ANKIB1: variants seen among roughly 807,000 people sequenced by gnomAD.
The protein encoded by ANKIB1 is ankyrin repeat and IBR domain-containing protein 1.
Under a neutral mutation model 122.1 loss-of-function variants are expected in ANKIB1, and 43 were observed. That is an observed-to-expected ratio of 0.35 (90% CI 0.28 to 0.45). The LOEUF is 0.45. ANKIB1 is among the 20% of genes least tolerant of loss of function. The pLI, the probability that ANKIB1 is intolerant of heterozygous loss-of-function variation, is 1.00. For missense variants in ANKIB1, 992 were observed against 1,329.5 expected, an observed-to-expected ratio of 0.75 and a Z score of 3.95; for synonymous variants, 390 against 442.0, an observed-to-expected ratio of 0.88 and a Z score of 1.48.
At chr7:92,267,582 C>A (rs1428297485) in intron 1 of ANKIB1, among the ~76,000 whole-genome samples, 2 of 152,138 alleles carry the variant, frequency 1.3e-5, no homozygotes, top group Non-Finnish European at 2.9e-5. Context: ...TTTGTTTACA[C>A]TGTGATCATG....
chr7:92,290,368 A>G (rs1802220082), intron 1 of ANKIB1, among the ~76,000 whole-genome samples: 1 of 136,940 alleles, frequency 7.3e-6, no homozygotes, highest in Admixed American at 7.2e-5. Context: ...TATATGTATG[A>G]AAGTGTGTGT....
intron 4 of ANKIB1, among the ~76,000 whole-genome samples, chr7:92,321,638 A>G (rs1448705677): frequency 6.6e-6 from 1 of 152,180 alleles, no homozygotes; most frequent in Non-Finnish European, 1.5e-5. Flanking sequence ...GTTTAGTGCT[A>G]ACTTGATTCT....
At chr7:92,252,855 C>T (rs1801357513) in intron 1 of ANKIB1, among the ~76,000 whole-genome samples, 1 of 151,358 alleles carries the variant, frequency 6.6e-6, no homozygotes, top group South Asian at 2.1e-4. Flanking sequence ...AAGTAGATTC[C>T]AGGGCTAGAG....
In ANKIB1 at chr7:92,396,403, A is replaced by C; in HGVS notation, c.2322A>C (p.Gln774His). 1.3e-6 allele frequency: 2 copies of C among 1,597,820 alleles called. No individual in the cohort carries two copies. The highest frequency in any genetic ancestry group is 2.3e-5 in the East Asian group (1 of 44,382). ...TTCAGTATCGGAGGAGGCACAGACAACGTCGTCGAGGAGATGTTCACAGTC... is the reference window on the plus strand; with the variant it reads ...TTCAGTATCGGAGGAGGCACAGACACCGTCGTCGAGGAGATGTTCACAGTC... The part of the protein sequence containing the change: ...AEFQYRRRHR[Q>H]RRRGDVHSLL... The change falls in exon 18 of 20, where the codon CAA becomes CAC. Residue 774 changes from glutamine (Q) to histidine (H), a missense_variant. By Grantham distance (24) the Gln-to-His change is conservative (BLOSUM62 0). Around this residue, in one of 4 missense-constraint regions of ANKIB1, gnomAD observed 384 missense variants for 412.0 expected, o/e 0.93. Coordinates refer to ENST00000265742, the MANE Select transcript of ANKIB1 (RefSeq NM_019004.2).
chr7:92,284,645 TC>T (rs1802079333), intron 1 of ANKIB1, among the ~76,000 whole-genome samples: 1 of 152,208 alleles, frequency 6.6e-6, no homozygotes, highest in Non-Finnish European at 1.5e-5. Flanking sequence ...ATTTGTTCCT[TC>T]TTTTACCTTT....
intron 7 of ANKIB1, among the ~76,000 whole-genome samples, chr7:92,348,598 C>G (rs1283576610): frequency 6.6e-6 from 1 of 152,070 alleles, no homozygotes; most frequent in Non-Finnish European, 1.5e-5. Flanking sequence ...GTTGGTCAGG[C>G]TGGTCTTGAA....
rs2131985791 is a variant in ANKIB1 at position 92,352,655 on chromosome 7, C to G, written c.1397+13C>G. The G allele has an allele frequency of 6.3e-7, 1 of 1,592,004 alleles. No individual in the cohort carries two copies. Among genetic ancestry groups the G allele is most frequent in the African/African-American group, 1.4e-5 (1 of 73,674 alleles). On this transcript the variant is annotated intron_variant, in intron 9 of 19. Transcript: ENST00000265742. The stretch of plus-strand genomic sequence containing the variant: ...ACCTCTTCTGCTGGTTAGTATAAGA[C>G]AAGTTGGAATCAGCCTAATCACCTT...
intron 11 of ANKIB1, among the ~76,000 whole-genome samples, chr7:92,373,193 C>T (rs1395177437): frequency 1.3e-5 from 2 of 152,176 alleles, no homozygotes; most frequent in Admixed American, 6.5e-5. Context: ...AGGATCCAGC[C>T]AAAATTATTT....
At position 92,246,172 on chromosome 7, in the gene ANKIB1, G is replaced by A. The variant is rs1469905853; in HGVS notation, c.-438G>A. 5.7e-6 allele frequency: 2 copies of A among 348,426 alleles called. No individual in the cohort carries two copies. The highest frequency in any genetic ancestry group is 5.4e-6 in the Non-Finnish European group (1 of 185,220). 21.6% of individuals were successfully genotyped at this position (348,426 alleles called of 1,614,324 possible). On this transcript the variant is annotated 5_prime_UTR_variant, in exon 1 of 20. Coordinates refer to ENST00000265742, the MANE Select transcript of ANKIB1 (RefSeq NM_019004.2). Reference sequence around the variant, plus strand: ...CGCGCAAGGCTGGAACATGAGCCGGGCTTGACCGCGAGGCGGAGGCAAGAG... The same window carrying A: ...CGCGCAAGGCTGGAACATGAGCCGGACTTGACCGCGAGGCGGAGGCAAGAG...
chr7:92,297,405 G>A (rs547702697), intron 2 of ANKIB1, among the ~76,000 whole-genome samples: 3 of 152,156 alleles, frequency 2.0e-5, no homozygotes, highest in Non-Finnish European at 4.4e-5. Context: ...AGAACTTGTA[G>A]AACAATTAAA....
chr7:92,247,794 T>G (rs1183104791), intron 1 of ANKIB1, among the ~76,000 whole-genome samples: 1 of 152,258 alleles, frequency 6.6e-6, no homozygotes, highest in Admixed American at 6.5e-5. Flanking sequence ...TTCTGCAAAC[T>G]ACTGTGTAGT....
rs201704286 is a variant in ANKIB1, at chr7:92,283,754, A to G, written c.-90-11135A>G. ...TAAATTTAATGTGGCCTAAGTGTAC[A>G]GTGTTTATATTTTATTTTTATTTCA... On this transcript the variant is annotated intron_variant, in intron 1 of 19. Coordinates refer to ENST00000265742, the MANE Select transcript of ANKIB1 (RefSeq NM_019004.2). Among the ~76,000 whole-genome samples, 8 of 152,210 alleles carry G rather than the reference A, an allele frequency of 5.3e-5. No homozygotes were observed. In the East Asian group the frequency reaches 1.4e-3, roughly 26 times the overall value.
intron 10 of ANKIB1, among the ~76,000 whole-genome samples, chr7:92,364,750 A>G (rs1371935977): frequency 6.6e-6 from 1 of 152,212 alleles, no homozygotes; most frequent in Non-Finnish European, 1.5e-5. Flanking sequence ...GTGTTATTTT[A>G]GTAGAGAAGT....
intron 6 of ANKIB1, 54 bp downstream of exon 6, chr7:92,343,286 A>G: frequency 6.9e-7 from 1 of 1,452,278 alleles, no homozygotes; most frequent in Non-Finnish European, 9.5e-7. Context: ...GTCTTTTAAC[A>G]TTCAAATGAT....
intron 3 of ANKIB1, among the ~76,000 whole-genome samples, chr7:92,312,084 A>G (rs1419409454): frequency 1.3e-5 from 2 of 151,856 alleles, no homozygotes; most frequent in Admixed American, 6.6e-5. Flanking sequence ...TCTTTTTTTT[A>G]AATTGCATCA....
chr7:92,327,844 C>G lies in ANKIB1; in HGVS notation c.731C>G (p.Thr244Ser), dbSNP rs778258219. Reference sequence around the variant, plus strand: ...CTAAAAGATATGCTTATTGTGGAAACTGCAGACATGCTTCAGGCTCCTCTC... The same window carrying G: ...CTAAAAGATATGCTTATTGTGGAAAGTGCAGACATGCTTCAGGCTCCTCTC... ...RRLKDMLIVE[T>S]ADMLQAPLFT... The change falls in exon 5 of 20, where the codon ACT (threonine) becomes AGT (serine). Residue 244 changes from threonine to serine, a missense_variant. Coordinates refer to ENST00000265742, the MANE Select transcript of ANKIB1 (RefSeq NM_019004.2). The G allele has an allele frequency of 2.5e-6, 4 of 1,594,528 alleles. No individual in the cohort carries two copies. Among genetic ancestry groups the G allele is most frequent in the Middle Eastern group, 1.7e-4 (1 of 6,046 alleles).
Position 92,398,437 on chromosome 7 carries a change from G to A in ANKIB1, c.2758G>A (p.Asp920Asn). The change falls in exon 20 of 20, where the codon GAC (aspartate) becomes AAC (asparagine). Residue 920 changes from aspartate to asparagine, a missense_variant. By Grantham distance (23) the Asp-to-Asn change is conservative (BLOSUM62 1). Coordinates refer to ENST00000265742, the MANE Select transcript of ANKIB1 (RefSeq NM_019004.2). ...LSSSELLELG[D>N]SLMRLGAEND... ...CAGCTCTGAGCTTTTGGAACTTGGT[G>A]ACAGCCTCATGAGACTAGGAGCAGA... 6.2e-7 allele frequency: 1 copy of A among 1,613,812 alleles called. No homozygotes were observed. Among genetic ancestry groups the A allele is most frequent in the Non-Finnish European group, 8.5e-7 (1 of 1,179,822 alleles).
At chr7:92,358,496 G>C (rs1397611217) in intron 9 of ANKIB1, among the ~76,000 whole-genome samples, 1 of 150,414 alleles carries the variant, frequency 6.6e-6, no homozygotes, top group African/African-American at 2.4e-5. Flanking sequence ...GTCTTGGAGA[G>C]CCAAGCACAT....
At chr7:92,397,119 T>C (rs1804914994) in intron 18 of ANKIB1, among the ~76,000 whole-genome samples, 1 of 152,164 alleles carries the variant, frequency 6.6e-6, no homozygotes, top group African/African-American at 2.4e-5. Context: ...TTATTAGTTA[T>C]TGCTTAACAA....
Sources: gnomAD v4.1 joint callset for allele counts (sites outside exome capture counted in the v4.1 genomes callset) on GRCh38, gnomAD v4.1.1 for gene constraint, gnomAD v4.1.1 regional missense constraint, MANE v1.5 for transcripts, NCBI Gene and HGNC (gene_info 2026-07-23, HGNC 2026-07-21) for gene names.